The following ZC3H12C variants were observed in gnomAD, a reference collection of about 807,000 sequenced individuals.
ZC3H12C encodes the protein probable ribonuclease ZC3H12C.
ZC3H12C carries 20 observed loss-of-function variants against 76.3 expected under a neutral mutation model. The ratio of observed to expected loss-of-function variants is 0.26; its 90% confidence interval spans 0.18 to 0.38. The LOEUF (loss-of-function observed/expected upper bound fraction) is 0.38. ZC3H12C is among the 10% of genes least tolerant of loss of function. The pLI is 1.00. For missense variants in ZC3H12C, 874 were observed against 1,086.5 expected, an observed-to-expected ratio of 0.80 and a Z score of 2.75; for synonymous variants, 352 against 399.6, an observed-to-expected ratio of 0.88 and a Z score of 1.42.
chr11:110,100,708 T>TTG (rs568503678), intron 1 of ZC3H12C, among the ~76,000 whole-genome samples: 7 of 152,306 alleles, frequency 4.6e-5, no homozygotes, highest in Admixed American at 4.6e-4. Flanking sequence ...TCAAGCAGTG[T>TTG]TGTGTGTGTT....
chr11:110,137,168 A>G lies in ZC3H12C; in HGVS notation c.527A>G (p.Glu176Gly), dbSNP rs751932671. 5 of 1,613,900 alleles carry G rather than the reference A, an allele frequency of 3.1e-6. No individual in the cohort carries two copies. Among genetic ancestry groups the G allele is most frequent in the Non-Finnish European group, 4.2e-6 (5 of 1,179,850 alleles). Residue 176 changes from glutamate (E) to glycine (G), a missense_variant, in exon 2 of 6, where the codon GAA becomes GGA. Glu to Gly is a moderately conservative substitution (Grantham distance 98). Around this residue, in one of 3 missense-constraint regions of ZC3H12C, gnomAD observed 210 missense variants for 227.1 expected, o/e 0.92. Transcript: ENST00000278590. ...LEFALKLGYS[E>G]EQVQLVLNKL... ...TTTGCACTTAAGTTAGGTTATTCTG[A>G]AGAACAGGTTCAGCTTGTACTAAAC...
chr11:110,145,605 G>T (rs902979760), intron 2 of ZC3H12C, among the ~76,000 whole-genome samples: 8 of 143,106 alleles, frequency 5.6e-5, no homozygotes, highest in Non-Finnish European at 9.2e-5. Flanking sequence ...AATTGGGGGC[G>T]GGGGGGAGTT....
Position 110,136,659 on chromosome 11 carries a change from C to T in ZC3H12C, c.22-4C>T. The T allele has an allele frequency of 6.2e-7, 1 of 1,600,650 alleles. No individual in the cohort carries two copies. Among genetic ancestry groups the T allele is most frequent in the Non-Finnish European group, 8.5e-7 (1 of 1,175,106 alleles). On this transcript the variant is annotated splice_region_variant and splice_polypyrimidine_tract_variant and intron_variant, in intron 1 of 5. Coordinates refer to ENST00000278590, the MANE Select transcript of ZC3H12C (RefSeq NM_033390.2). ...AATTCTAAATATTTTACATTTTTCTCTAGGAATACGGGGTGCTTTGCATTC... is the reference window on the plus strand; with the variant it reads ...AATTCTAAATATTTTACATTTTTCTTTAGGAATACGGGGTGCTTTGCATTC...
rs766223495 is a variant in ZC3H12C at position 110,136,760 on chromosome 11, A to G, written c.119A>G (p.His40Arg). ...ATGGGCTTGAAGGATCACCTAGGGC[A>G]TGACCTCGGCCACCTTTATGTGGAG... ...NFMGLKDHLG[H>R]DLGHLYVEST... The change falls in exon 2 of 6, where the codon CAT (histidine) becomes CGT (arginine). Residue 40 changes from histidine (H) to arginine (R), a missense_variant. By Grantham distance (29) the His-to-Arg change is conservative. Coordinates refer to ENST00000278590, the MANE Select transcript of ZC3H12C (RefSeq NM_033390.2). 4.9e-5 allele frequency: 79 copies of G among 1,613,872 alleles called. 3 individuals carry two copies. The highest frequency in any genetic ancestry group is 4.3e-4 in the South Asian group (39 of 91,086).
intron 1 of ZC3H12C, among the ~76,000 whole-genome samples, chr11:110,116,680 A>C (rs1306467264): frequency 6.6e-6 from 1 of 152,204 alleles, no homozygotes; most frequent in East Asian, 1.9e-4. Context: ...AACTTTTTTA[A>C]AGACACACCT....
chr11:110,106,427 A>C lies in ZC3H12C; in HGVS notation c.21+12995A>C, dbSNP rs1276126005. On this transcript the variant is annotated intron_variant, in intron 1 of 5. Coordinates refer to ENST00000278590, the MANE Select transcript of ZC3H12C (RefSeq NM_033390.2). ...TAAGAATGGGCATAACAGTGCTAAG[A>C]AGCTCATTTTGTACAGTCAGAGAGA... 3.3e-5 allele frequency among the ~76,000 whole-genome samples: 5 copies of C among 152,212 alleles called. No homozygotes were observed. In the East Asian group the frequency reaches 9.6e-4, roughly 29 times the overall value.
In ZC3H12C at chr11:110,170,298, T is replaced by G. The variant is rs607702; in HGVS notation, c.*4561T>G. The G allele has an allele frequency of 2.0e-5, 3 of 152,204 alleles. No homozygotes were observed. Among genetic ancestry groups the G allele is most frequent in the African/African-American group, 7.2e-5 (3 of 41,458 alleles). The allele number at this position is 152,204 out of a possible 1,614,324, so 9.4% of individuals were successfully genotyped here. A position where few individuals can be genotyped will look rare whatever the true frequency, so the allele number is the denominator to read the frequency against. On this transcript the variant is annotated 3_prime_UTR_variant, in exon 6 of 6. Transcript: ENST00000278590. ...AAATGGGAATCCCTTACCAACCTTT[T>G]GTTTTTTAAAAGTCTCATAGACCAA...
In ZC3H12C at chr11:110,164,947, C is replaced by G; in HGVS notation, c.1862C>G (p.Ser621Cys). 6.2e-7 allele frequency: 1 copy of G among 1,614,052 alleles called. No individual in the cohort carries two copies. Among genetic ancestry groups the G allele is most frequent in the Non-Finnish European group, 8.5e-7 (1 of 1,179,910 alleles). The change falls in exon 6 of 6, where the codon TCC becomes TGC. Residue 621 changes from serine to cysteine, a missense_variant. Physicochemically the swap from Ser to Cys is moderately radical, Grantham distance 112. This residue lies in a region of ZC3H12C where 395 missense variants were observed against 434.4 expected (regional missense o/e 0.91). Transcript: ENST00000278590. The surrounding 1 kb of genome is among the most constrained non-coding windows in gnomAD (Gnocchi z 5.7). The part of the protein sequence containing the change: ...FSLDTDYRIS[S>C]VASDCSSEGS... ...TTAGACACAGATTATAGAATAAGTT[C>G]CGTAGCTTCTGACTGCAGCAGTGAA...
intron 1 of ZC3H12C, among the ~76,000 whole-genome samples, chr11:110,110,435 A>G (rs1861405231): frequency 6.6e-6 from 1 of 152,126 alleles, no homozygotes; most frequent in Admixed American, 6.5e-5. Context: ...CCAGTTTAAT[A>G]GTATTTCCAG....
At chr11:110,151,024 A>G (rs771908186) in intron 2 of ZC3H12C, among the ~76,000 whole-genome samples, 1 of 152,126 alleles carries the variant, frequency 6.6e-6, no homozygotes, top group Non-Finnish European at 1.5e-5. Context: ...TTTCAACAAG[A>G]TGGAGATATT....
In ZC3H12C at chr11:110,170,586, C is replaced by G. The variant is rs1862659822; in HGVS notation, c.*4849C>G. On this transcript the variant is annotated 3_prime_UTR_variant, in exon 6 of 6. Coordinates refer to ENST00000278590, the MANE Select transcript of ZC3H12C (RefSeq NM_033390.2). ...TTATGAGAAATAAAATGTATCTCTG[C>G]TTTGTCTGTCCAGATCTTTAGGATT... 6.6e-6 allele frequency: 1 copy of G among 152,146 alleles called. No individual in the cohort carries two copies. Among genetic ancestry groups the G allele is most frequent in the South Asian group, 2.1e-4 (1 of 4,830 alleles). The allele number at this position is 152,146 out of a possible 1,614,324, so 9.4% of individuals were successfully genotyped here.
intron 4 of ZC3H12C, among the ~76,000 whole-genome samples, chr11:110,162,878 C>A (rs1862505341): frequency 1.3e-5 from 2 of 152,166 alleles, no homozygotes; most frequent in Admixed American, 6.5e-5. Context: ...AGCCCCCTCC[C>A]TTCTTCTCAG....
chr11:110,102,902 G>T (rs1278593081), intron 1 of ZC3H12C, among the ~76,000 whole-genome samples: 1 of 152,146 alleles, frequency 6.6e-6, no homozygotes, highest in Non-Finnish European at 1.5e-5. Flanking sequence ...GAATTTTGTG[G>T]CAATAAACTG....
At chr11:110,128,077 C>A (rs750079202) in intron 1 of ZC3H12C, among the ~76,000 whole-genome samples, 41 of 151,692 alleles carry the variant, frequency 2.7e-4, no homozygotes, top group South Asian at 8.3e-4. Context: ...TTAGACCCAC[C>A]CATGGCAAAG....
At chr11:110,130,519 G>C (rs1409480941) in intron 1 of ZC3H12C, among the ~76,000 whole-genome samples, 1 of 152,100 alleles carries the variant, frequency 6.6e-6, no homozygotes, top group Non-Finnish European at 1.5e-5. Context: ...AGGGATTACT[G>C]CAATAGTTAA....
In ZC3H12C at chr11:110,168,013, T is replaced by C. The variant is rs1345615046; in HGVS notation, c.*2276T>C. 1 of 152,216 alleles carries C rather than the reference T, an allele frequency of 6.6e-6. No individual in the cohort carries two copies. The highest frequency in any genetic ancestry group is 1.5e-5 in the Non-Finnish European group (1 of 68,014). The allele number at this position is 152,216 out of a possible 1,614,324, so 9.4% of individuals were successfully genotyped here. On this transcript the variant is annotated 3_prime_UTR_variant, in exon 6 of 6. Coordinates refer to ENST00000278590, the MANE Select transcript of ZC3H12C (RefSeq NM_033390.2). ...TTTTTAGTATGAAATCACTTTTAAATTATACATGTAGGTTTTGCTTCCATT... is the reference window on the plus strand; with the variant it reads ...TTTTTAGTATGAAATCACTTTTAAACTATACATGTAGGTTTTGCTTCCATT...
chr11:110,137,588 C>G (rs1861989215), intron 2 of ZC3H12C, among the ~76,000 whole-genome samples, 174 bp downstream of exon 2: 1 of 152,140 alleles, frequency 6.6e-6, no homozygotes, highest in African/African-American at 2.4e-5. Flanking sequence ...GGCACTCAGC[C>G]ATCTTTACTT....
intron 1 of ZC3H12C, among the ~76,000 whole-genome samples, chr11:110,105,161 C>T (rs1861299344): frequency 6.6e-6 from 1 of 152,062 alleles, no homozygotes; most frequent in Admixed American, 6.5e-5. Flanking sequence ...TTTTATTATG[C>T]ACTCACAGGG....
At chr11:110,117,903 ACACATATATAT>A (rs1861572602) in intron 1 of ZC3H12C, among the ~76,000 whole-genome samples, 1 of 120,476 alleles carries the variant, frequency 8.3e-6, no homozygotes, top group South Asian at 2.6e-4. Context: ...ATATACACAC[ACACATATATAT>A]TATATATATA....
Sources: gnomAD v4.1 joint callset for allele counts (sites outside exome capture counted in the v4.1 genomes callset) on GRCh38, gnomAD v4.1.1 for gene constraint, gnomAD v4.1.1 regional missense constraint, Gnocchi (gnomAD v3.1) non-coding constraint, MANE v1.5 for transcripts, NCBI Gene and HGNC (gene_info 2026-07-23, HGNC 2026-07-21) for gene names.